The following ZNF571 variants were observed in gnomAD, a reference collection of about 807,000 sequenced individuals.
ZNF571 encodes the protein zinc finger protein 571.
A neutral mutation model predicts 7.7 loss-of-function variants in ZNF571; 4 were observed. That is an observed-to-expected ratio of 0.52 (90% CI 0.25 to 1.18). ZNF571 has a LOEUF of 1.18. ZNF571 is among the 50% of genes most tolerant of loss of function. The pLI, the probability that ZNF571 is intolerant of heterozygous loss-of-function variation, is 0.14. For missense variants in ZNF571, 704 were observed against 726.9 expected (o/e 0.97, Z 0.36); for synonymous variants, 251 against 232.4 (o/e 1.08, Z -0.73).
intron 3 of ZNF571, among the ~76,000 whole-genome samples, chr19:37,573,184 T>C (rs77578803): frequency 3.5e-4 from 54 of 152,310 alleles, no homozygotes; most frequent in Non-Finnish European, 7.1e-4. Flanking sequence ...ACAGAAATTA[T>C]ATCATTTTTA....
intron 1 of ZNF571, among the ~76,000 whole-genome samples, chr19:37,593,333 T>C (rs2043922392): frequency 6.6e-6 from 1 of 152,206 alleles, no homozygotes; most frequent in Non-Finnish European, 1.5e-5. Flanking sequence ...TTTAGCCTGC[T>C]TGAAAACATC....
chr19:37,585,696 C>G (rs915316936), intron 2 of ZNF571: 1 of 152,198 alleles, frequency 6.6e-6, no homozygotes, highest in Non-Finnish European at 1.5e-5. Flanking sequence ...CTTAAACTTT[C>G]AAGTGACAAG....
intron 3 of ZNF571, among the ~76,000 whole-genome samples, chr19:37,578,000 C>T (rs1048080499): frequency 5.3e-5 from 8 of 152,248 alleles, no homozygotes; most frequent in African/African-American, 1.7e-4. Flanking sequence ...GTCAGATCAG[C>T]GGCAGCTTGA....
At chr19:37,574,734 A>G (rs573711167) in intron 3 of ZNF571, among the ~76,000 whole-genome samples, 1 of 152,286 alleles carries the variant, frequency 6.6e-6, no homozygotes, top group South Asian at 2.1e-4. Flanking sequence ...TAACTTCCAA[A>G]TGATAGTTTC....
At chr19:37,587,726 A>G (rs2043725201) in intron 1 of ZNF571, among the ~76,000 whole-genome samples, 1 of 152,114 alleles carries the variant, frequency 6.6e-6, no homozygotes, top group South Asian at 2.1e-4. Context: ...TTTGTTGGGT[A>G]TAGTTGAGCT....
intron 3 of ZNF571, among the ~76,000 whole-genome samples, chr19:37,580,721 C>T (rs1271804737): frequency 6.6e-6 from 1 of 152,104 alleles, no homozygotes; most frequent in Non-Finnish European, 1.5e-5. Flanking sequence ...TCACCTTTCC[C>T]CTCTCACCAT....
Position 37,565,282 on chromosome 19 carries a change from C to G in ZNF571, c.1146G>C (p.Leu382=), listed in dbSNP as rs752663737. ...FFRGSQLTYH[L]RVHSGERPYK... is the part of the protein sequence containing the mutation. ...AAGGTCTCTCACCTGAATGAACTCT[C>G]AGGTGGTAAGTAAGTTGTGAGCCAC... The change falls in exon 4 of 4, where the codon CTG becomes CTC. Residue 382 remains leucine (L), a synonymous_variant. Coordinates refer to ENST00000451802, the MANE Select transcript of ZNF571 (RefSeq NM_016536.5). 1 of 1,611,016 alleles carries G rather than the reference C, an allele frequency of 6.2e-7. No homozygotes were observed. The highest frequency in any genetic ancestry group is 8.5e-7 in the Non-Finnish European group (1 of 1,178,774).
Position 37,565,029 on chromosome 19 carries a change from T to C in ZNF571, c.1399A>G (p.Lys467Glu). 2 of 1,613,822 alleles carry C rather than the reference T, an allele frequency of 1.2e-6. No individual in the cohort carries two copies. Among genetic ancestry groups the C allele is most frequent in the Non-Finnish European group, 8.5e-7 (1 of 1,179,752 alleles). The change falls in exon 4 of 4, where the codon AAA becomes GAA. Residue 467 changes from lysine (K) to glutamate (E), a missense_variant. Transcript: ENST00000451802. The stretch of plus-strand genomic sequence containing the variant: ...TCATAATGTTTCTCACCATGAATTT[T>C]CTCATGTTGAGTAAGATATGCAACA... Reference protein sequence around the residue: ...IRVAYLTQHEKIHGEKHYECK... With the variant: ...IRVAYLTQHEEIHGEKHYECK...
At chr19:37,572,408 C>G (rs555614808) in intron 3 of ZNF571, among the ~76,000 whole-genome samples, 1 of 152,300 alleles carries the variant, frequency 6.6e-6, no homozygotes, top group East Asian at 1.9e-4. Flanking sequence ...CACCATCCTA[C>G]TCCATCTTGC....
At chr19:37,589,507 A>C (rs544332137) in intron 1 of ZNF571, among the ~76,000 whole-genome samples, 1 of 152,226 alleles carries the variant, frequency 6.6e-6, no homozygotes, top group Non-Finnish European at 1.5e-5. Context: ...GTCAACGGTC[A>C]TTCAACATGT....
intron 3 of ZNF571, among the ~76,000 whole-genome samples, chr19:37,572,149 A>G (rs1353021875): frequency 5.3e-5 from 8 of 152,128 alleles, no homozygotes; most frequent in Non-Finnish European, 1.2e-4. Flanking sequence ...TGTTACCCCT[A>G]TCACTTAACT....
chr19:37,565,954 C>T lies in ZNF571; in HGVS notation c.474G>A (p.Glu158=). ...FSYLSCLIQH[E]ENHNIEKCSE... ...AGCATTTTTCTATATTATGATTTTC[C>T]TCATGTTGAATAAGGCATGACAGGT... is the stretch of plus-strand genomic sequence containing the variant. The change falls in exon 4 of 4, where the codon GAG becomes GAA. Residue 158 remains glutamate (E), a synonymous_variant. Transcript: ENST00000451802. The T allele has an allele frequency of 6.2e-7, 1 of 1,613,700 alleles. No homozygotes were observed. The highest frequency in any genetic ancestry group is 8.5e-7 in the Non-Finnish European group (1 of 1,179,772).
intron 3 of ZNF571, among the ~76,000 whole-genome samples, chr19:37,580,218 C>T (rs1391030066): frequency 2.0e-5 from 3 of 152,206 alleles, no homozygotes; most frequent in African/African-American, 7.2e-5. Context: ...TTCCTGCTGA[C>T]AGTTGGAGGC....
chr19:37,590,237 T>C (rs544000232), intron 1 of ZNF571, among the ~76,000 whole-genome samples: 4 of 151,386 alleles, frequency 2.6e-5, no homozygotes, highest in South Asian at 4.2e-4. Context: ...AAACCCTGTC[T>C]CTAGTAAAAA....
chr19:37,577,686 C>T (rs1375527247), intron 3 of ZNF571, among the ~76,000 whole-genome samples: 1 of 151,998 alleles, frequency 6.6e-6, no homozygotes, highest in Non-Finnish European at 1.5e-5. Flanking sequence ...TGGTGATAGC[C>T]GGCTATTCAG....
chr19:37,594,338 G>C (rs1477572907), intron 1 of ZNF571: 1 of 152,356 alleles, frequency 6.6e-6, no homozygotes, highest in South Asian at 2.1e-4. Flanking sequence ...ATTAACAGGC[G>C]GCAGGTGAGC....
intron 2 of ZNF571, 179 bp downstream of exon 2, chr19:37,586,489 G>A: frequency 1.5e-6 from 1 of 661,548 alleles, no homozygotes; most frequent in South Asian, 1.9e-5. Flanking sequence ...ACTGTTTGGA[G>A]AGGGGAAAAG....
intron 2 of ZNF571, 151 bp from the exon 3 acceptor site, chr19:37,584,248 C>T: frequency 1.1e-6 from 1 of 939,690 alleles, no homozygotes; most frequent in South Asian, 1.7e-5. Flanking sequence ...GATTCTCTAT[C>T]ATTCCTATTG....
chr19:37,590,044 A>T (rs12981750), intron 1 of ZNF571, among the ~76,000 whole-genome samples: 117,392 of 151,390 alleles, frequency 0.78, 45,643 homozygotes, highest in South Asian at 0.87. Context: ...TAAAGAGATG[A>T]TTTAATTAAA....
Sources: gnomAD v4.1 joint callset for allele counts (sites outside exome capture counted in the v4.1 genomes callset) on GRCh38, gnomAD v4.1.1 for gene constraint, MANE v1.5 for transcripts, NCBI Gene and HGNC (gene_info 2026-07-23, HGNC 2026-07-21) for gene names.